The following SNAP25 variants were observed in gnomAD, a reference collection of about 807,000 sequenced individuals.
SNAP25 encodes synaptosomal-associated protein 25.
Under a neutral mutation model 28.7 loss-of-function variants are expected in SNAP25, and 3 were observed. That is an observed-to-expected ratio of 0.10 (90% CI 0.05 to 0.27). The LOEUF is 0.27. Ranked by LOEUF, SNAP25 falls within the 10% of genes least tolerant of loss-of-function variation. The probability of loss-of-function intolerance (pLI) is 1.00; values close to 1 mark genes in which losing one functional copy is unlikely to be tolerated. For missense variants in SNAP25, 117 were observed against 278.7 expected, an observed-to-expected ratio of 0.42 and a Z score of 4.13; for synonymous variants, 61 against 88.1, an observed-to-expected ratio of 0.69 and a Z score of 1.72.
intron 7 of SNAP25, among the ~76,000 whole-genome samples, chr20:10,300,878 G>A (rs1240028485): frequency 6.6e-6 from 1 of 152,036 alleles, no homozygotes; most frequent in Non-Finnish European, 1.5e-5. Context: ...AATAATGAGA[G>A]TTTCAAAACT....
intron 1 of SNAP25, among the ~76,000 whole-genome samples, chr20:10,250,554 T>G (rs1371251088): frequency 6.6e-6 from 1 of 152,202 alleles, no homozygotes; most frequent in African/African-American, 2.4e-5. Flanking sequence ...TAACCCACAG[T>G]CTCTAGGATG....
intron 3 of SNAP25, among the ~76,000 whole-genome samples, chr20:10,281,971 A>G (rs1465545006): frequency 6.6e-6 from 1 of 152,176 alleles, no homozygotes; most frequent in African/African-American, 2.4e-5. Flanking sequence ...GAGCACTAGC[A>G]TTATGAAGAT....
At chr20:10,255,209 C>G (rs2063299374) in intron 1 of SNAP25, among the ~76,000 whole-genome samples, 1 of 152,186 alleles carries the variant, frequency 6.6e-6, no homozygotes, top group Admixed American at 6.5e-5. Flanking sequence ...TGCCAAGTTT[C>G]CAAAAGACTG....
At chr20:10,277,329 GC>G (rs1410219113) in intron 2 of SNAP25, among the ~76,000 whole-genome samples, 1 of 152,096 alleles carries the variant, frequency 6.6e-6, no homozygotes, top group South Asian at 2.1e-4. Flanking sequence ...AATGTTCCTG[GC>G]CCAGGGAGGC....
At chr20:10,237,950 GTTCC>G (rs2062953400) in intron 1 of SNAP25, among the ~76,000 whole-genome samples, 1 of 152,104 alleles carries the variant, frequency 6.6e-6, no homozygotes, top group Admixed American at 6.5e-5. Flanking sequence ...GGTCTTTCCT[GTTCC>G]TTTATCTCTT....
In SNAP25 at chr20:10,307,005, C is replaced by T; in HGVS notation, c.*808C>T. ...AAAAAGATGGATTTGACACACTCAC[C>T]ATTTAATCATTTCCAGCAAAATATA... On this transcript the variant is annotated 3_prime_UTR_variant, in exon 8 of 8. Coordinates refer to ENST00000254976, the MANE Select transcript of SNAP25 (RefSeq NM_130811.4). 6.6e-6 allele frequency: 1 copy of T among 152,464 alleles called. No individual in the cohort carries two copies. The highest frequency in any genetic ancestry group is 6.5e-5 in the Admixed American group (1 of 15,280). The allele number at this position is 152,464 out of a possible 1,614,324, so 9.4% of individuals were successfully genotyped here.
intron 2 of SNAP25, 152 bp from the exon 3 acceptor site, chr20:10,277,533 T>G (rs1290379875): frequency 1.0e-4 from 65 of 625,012 alleles, no homozygotes; most frequent in Non-Finnish European, 5.5e-6. Flanking sequence ...AGTTTGAAAA[T>G]GTAATGACAT....
intron 7 of SNAP25, among the ~76,000 whole-genome samples, chr20:10,301,431 C>T (rs2064232639): frequency 6.6e-6 from 1 of 152,080 alleles, no homozygotes. Flanking sequence ...GAATCAAAAT[C>T]CACACATGAT....
intron 1 of SNAP25, among the ~76,000 whole-genome samples, chr20:10,227,313 T>C (rs1421530865): frequency 1.3e-5 from 2 of 152,074 alleles, no homozygotes; most frequent in Non-Finnish European, 2.9e-5. Context: ...AGAGCAAGGG[T>C]AATATCTTAG....
chr20:10,252,374 CTACAAT>C (rs61182942), intron 1 of SNAP25, among the ~76,000 whole-genome samples: 1,689 of 152,296 alleles, frequency 0.011, 30 homozygotes, highest in African/African-American at 0.037. Context: ...GGCCATACAA[CTACAAT>C]GCTTGGGATT....
At chr20:10,221,223 T>C (rs984157506) in intron 1 of SNAP25, among the ~76,000 whole-genome samples, 3 of 152,190 alleles carry the variant, frequency 2.0e-5, no homozygotes, top group Non-Finnish European at 4.4e-5. Flanking sequence ...TAATTACTGC[T>C]GGGTTTGTTT....
chr20:10,299,182 C>A, intron 6 of SNAP25, 86 bp from the exon 7 acceptor site: 1 of 1,462,568 alleles, frequency 6.8e-7, no homozygotes, highest in Non-Finnish European at 9.3e-7. Flanking sequence ...GCCCAGAGGA[C>A]GACAGATTTC....
intron 7 of SNAP25, 62 bp from the exon 8 acceptor site, chr20:10,306,067 C>T: frequency 6.5e-7 from 1 of 1,543,296 alleles, no homozygotes; most frequent in Non-Finnish European, 8.9e-7. Context: ...GACCCGGACC[C>T]AGAAGGGTGA....
chr20:10,221,457 G>A (rs2062632942), intron 1 of SNAP25, among the ~76,000 whole-genome samples: 1 of 152,166 alleles, frequency 6.6e-6, no homozygotes, highest in African/African-American at 2.4e-5. Context: ...TTTTAAGTTA[G>A]AATTTTTAAA....
intron 5 of SNAP25, among the ~76,000 whole-genome samples, chr20:10,295,827 T>C (rs1334152993): frequency 6.6e-6 from 1 of 152,194 alleles, no homozygotes; most frequent in Non-Finnish European, 1.5e-5. Flanking sequence ...GCTGCACATG[T>C]TTCTATTGGG....
In SNAP25 at chr20:10,258,876, C is replaced by A. The variant is rs181797674; in HGVS notation, c.-63-16553C>A. ...AGGGACCTTTTTCTATTTTTTGTTA[C>A]CCCTCTCTGTGTCAAATACTCCCAT... On this transcript the variant is annotated intron_variant, in intron 1 of 7. Coordinates refer to ENST00000254976, the MANE Select transcript of SNAP25 (RefSeq NM_130811.4). 5.2e-4 allele frequency among the ~76,000 whole-genome samples: 79 copies of A among 152,272 alleles called. 1 individual carries two copies. The highest frequency in any genetic ancestry group is 4.8e-3 in the Admixed American group (74 of 15,284).
At chr20:10,234,998 G>T (rs1007390748) in intron 1 of SNAP25, among the ~76,000 whole-genome samples, 2 of 152,194 alleles carry the variant, frequency 1.3e-5, no homozygotes, top group African/African-American at 4.8e-5. Flanking sequence ...AGAATTCAAG[G>T]GTTCAGCGGC....
chr20:10,297,589 T>C (rs1419623931), intron 6 of SNAP25, among the ~76,000 whole-genome samples: 1 of 152,204 alleles, frequency 6.6e-6, no homozygotes, highest in Non-Finnish European at 1.5e-5. Context: ...GTTACCACCA[T>C]AGTCCTGGGG....
At chr20:10,279,020 G>T (rs562740730) in intron 3 of SNAP25, among the ~76,000 whole-genome samples, 1 of 152,172 alleles carries the variant, frequency 6.6e-6, no homozygotes, top group Non-Finnish European at 1.5e-5. Context: ...GGGACACACC[G>T]GAAGGCAGCC....
Sources: allele counts gnomAD v4.1 joint callset (sites outside exome capture counted in the v4.1 genomes callset), GRCh38; gene constraint gnomAD v4.1.1; transcripts MANE v1.5; gene names NCBI Gene and HGNC (gene_info 2026-07-23, HGNC 2026-07-21).